HS6ST3: variants seen among roughly 807,000 people sequenced by gnomAD.
HS6ST3 encodes the protein heparan-sulfate 6-O-sulfotransferase 3.
HS6ST3 carries 12 observed loss-of-function variants against 36.7 expected under a neutral mutation model. That is an observed-to-expected ratio of 0.33 (90% CI 0.21 to 0.53). HS6ST3 has a LOEUF of 0.53. Ranked by LOEUF, HS6ST3 falls within the 20% of genes least tolerant of loss-of-function variation. HS6ST3 has a pLI of 0.95. For missense variants in HS6ST3, 584 were observed against 640.9 expected (o/e 0.91, Z 0.96); for synonymous variants, 240 against 257.5 (o/e 0.93, Z 0.65).
At chr13:96,591,437 A>T (rs1184866644) in intron 1 of HS6ST3, among the ~76,000 whole-genome samples, 1 of 151,952 alleles carries the variant, frequency 6.6e-6, no homozygotes, top group Non-Finnish European at 1.5e-5. Context: ...ATTTCTAGGT[A>T]TTTAAGTTTA....
chr13:96,331,889 C>T (rs943952819), intron 1 of HS6ST3, among the ~76,000 whole-genome samples: 16 of 152,214 alleles, frequency 1.1e-4, no homozygotes, highest in African/African-American at 3.6e-4. Flanking sequence ...CGTGGTGCGC[C>T]GTTTTTTAAG....
At chr13:96,099,543 G>T (rs2053807977) in intron 1 of HS6ST3, among the ~76,000 whole-genome samples, 1 of 152,142 alleles carries the variant, frequency 6.6e-6, no homozygotes, top group African/African-American at 2.4e-5. Flanking sequence ...ATTCATACAT[G>T]AAGCAATCCT....
At chr13:96,608,912 TTG>T (rs1201736355) in intron 1 of HS6ST3, among the ~76,000 whole-genome samples, 1 of 151,974 alleles carries the variant, frequency 6.6e-6, no homozygotes, top group Non-Finnish European at 1.5e-5. Flanking sequence ...CATACATCTT[TTG>T]TGTGTGTGTA....
chr13:96,798,559 T>C (rs1338355512), intron 1 of HS6ST3, among the ~76,000 whole-genome samples: 1 of 152,068 alleles, frequency 6.6e-6, no homozygotes, highest in African/African-American at 2.4e-5. Context: ...ATCACAGGGA[T>C]CCTATAGTTA....
intron 1 of HS6ST3, among the ~76,000 whole-genome samples, chr13:96,556,884 G>A (rs545449312): frequency 6.6e-6 from 1 of 152,298 alleles, no homozygotes; most frequent in Non-Finnish European, 1.5e-5. Flanking sequence ...CATTAATGCT[G>A]TATAATCATG....
chr13:96,811,091 C>T (rs1268870701), intron 1 of HS6ST3, among the ~76,000 whole-genome samples: 1 of 152,094 alleles, frequency 6.6e-6, no homozygotes, highest in East Asian at 1.9e-4. Context: ...AGCCCCTAGA[C>T]AGGTGAATCT....
intron 1 of HS6ST3, among the ~76,000 whole-genome samples, chr13:96,789,431 A>G (rs539586130): frequency 6.6e-6 from 1 of 151,942 alleles, no homozygotes; most frequent in Non-Finnish European, 1.5e-5. Context: ...CCAATGGTTG[A>G]TGGCTCAATC....
intron 1 of HS6ST3, among the ~76,000 whole-genome samples, chr13:96,675,103 T>G (rs2056694820): frequency 6.6e-6 from 1 of 152,148 alleles, no homozygotes; most frequent in South Asian, 2.1e-4. Flanking sequence ...CCACTCCTGA[T>G]CTTTGAAAAG....
At chr13:96,601,884 C>T (rs969020690) in intron 1 of HS6ST3, among the ~76,000 whole-genome samples, 3 of 152,078 alleles carry the variant, frequency 2.0e-5, no homozygotes, top group African/African-American at 7.2e-5. Context: ...TGTATAAGTT[C>T]GTTGTTTATG....
intron 1 of HS6ST3, among the ~76,000 whole-genome samples, chr13:96,595,545 T>A (rs1239248825): frequency 1.3e-5 from 2 of 152,072 alleles, no homozygotes; most frequent in Admixed American, 6.6e-5. Context: ...TGAATCTGAT[T>A]GGTGACCTTC....
At chr13:96,128,782 A>T (rs2053962989) in intron 1 of HS6ST3, among the ~76,000 whole-genome samples, 2 of 152,066 alleles carry the variant, frequency 1.3e-5, no homozygotes, top group South Asian at 4.2e-4. Context: ...ACCATTTAAA[A>T]ATGTGAATGT....
chr13:96,429,569 C>A (rs1447268124), intron 1 of HS6ST3, among the ~76,000 whole-genome samples: 1 of 152,186 alleles, frequency 6.6e-6, no homozygotes, highest in Non-Finnish European at 1.5e-5. Flanking sequence ...TGTATAAGTT[C>A]ATTCCCTAGA....
intron 1 of HS6ST3, among the ~76,000 whole-genome samples, chr13:96,299,958 A>C (rs2054873401): frequency 6.6e-6 from 1 of 151,964 alleles, no homozygotes; most frequent in African/African-American, 2.4e-5. Flanking sequence ...GAGGCCTCAG[A>C]AAACGTACAA....
chr13:96,415,849 T>C (rs1205293219), intron 1 of HS6ST3, among the ~76,000 whole-genome samples: 1 of 152,238 alleles, frequency 6.6e-6, no homozygotes, highest in African/African-American at 2.4e-5. Flanking sequence ...GGGAGGATCA[T>C]ATTTATACTT....
At chr13:96,404,384 C>G (rs368856334) in intron 1 of HS6ST3, among the ~76,000 whole-genome samples, 5 of 152,306 alleles carry the variant, frequency 3.3e-5, no homozygotes, top group African/African-American at 1.2e-4. Context: ...AGAGGCAGAT[C>G]CTGTCCTGGA....
intron 1 of HS6ST3, among the ~76,000 whole-genome samples, chr13:96,381,075 T>C (rs1342622784): frequency 6.6e-6 from 1 of 152,242 alleles, no homozygotes; most frequent in Non-Finnish European, 1.5e-5. Context: ...TAAACAATAC[T>C]AAGTTATTTT....
intron 1 of HS6ST3, among the ~76,000 whole-genome samples, chr13:96,649,712 G>A (rs753311938): frequency 1.1e-4 from 16 of 151,862 alleles, no homozygotes; most frequent in East Asian, 5.8e-4. Context: ...AGAGTCTCCC[G>A]TTTTTTATCC....
At chr13:96,459,258 A>C (rs1443757189) in intron 1 of HS6ST3, among the ~76,000 whole-genome samples, 1 of 152,062 alleles carries the variant, frequency 6.6e-6, no homozygotes, top group African/African-American at 2.4e-5. Context: ...TTTTATCATA[A>C]ATAATGAAGA....
chr13:96,727,274 GAAT>G (rs2138473692), intron 1 of HS6ST3, among the ~76,000 whole-genome samples: 1 of 152,206 alleles, frequency 6.6e-6, no homozygotes, highest in African/African-American at 2.4e-5. Flanking sequence ...GGCTTGCTGT[GAAT>G]AATAAAGTTT....
Sources: gnomAD v4.1 joint callset for allele counts (sites outside exome capture counted in the v4.1 genomes callset) on GRCh38, gnomAD v4.1.1 for gene constraint, MANE v1.5 for transcripts, NCBI Gene and HGNC (gene_info 2026-07-23, HGNC 2026-07-21) for gene names.